Variants in PDIK1L observed in about 807,000 individuals in gnomAD.
PDIK1L encodes the protein serine/threonine-protein kinase PDIK1L.
In PDIK1L, 9 loss-of-function variants were observed where a neutral mutation model predicts 27.1. The observed-to-expected ratio is 0.33, with a 90% CI of 0.20 to 0.58. PDIK1L has a LOEUF of 0.58. Ranked by LOEUF, PDIK1L falls within the 20% of genes least tolerant of loss-of-function variation. PDIK1L has a pLI of 0.86. For missense variants in PDIK1L, 216 were observed against 413.2 expected, an observed-to-expected ratio of 0.52 and a Z score of 4.14; for synonymous variants, 130 against 141.7, an observed-to-expected ratio of 0.92 and a Z score of 0.59.
At chr1:26,112,747 A>G (rs1451038575) in intron 1 of PDIK1L, 4 of 152,278 alleles carry the variant, frequency 2.6e-5, no homozygotes, top group Non-Finnish European at 5.9e-5. Flanking sequence ...GTGGATCCCA[A>G]CTTCTCAGGC....
At chr1:26,121,816 C>CT (rs748317979) in intron 2 of PDIK1L, 21 bp from the exon 3 acceptor site, 2 of 1,582,070 alleles carry the variant, frequency 1.3e-6, no homozygotes, top group Non-Finnish European at 1.7e-6. Context: ...TGATTGTAAT[C>CT]TTTTTTCTTC....
In PDIK1L at chr1:26,123,955, C is replaced by T. The variant is rs1045455764; in HGVS notation, c.*1378C>T. On this transcript the variant is annotated 3_prime_UTR_variant, in exon 3 of 3. Transcript: ENST00000374269. ...TAGTTAAAATCTAAAGGATAGAATGCTTTCCTAAAACAGAACATTAGCCTT... is the reference window on the plus strand; with the variant it reads ...TAGTTAAAATCTAAAGGATAGAATGTTTTCCTAAAACAGAACATTAGCCTT... The T allele has an allele frequency of 5.9e-5, 9 of 152,712 alleles. No individual in the cohort carries two copies. The highest frequency in any genetic ancestry group is 2.2e-4 in the African/African-American group (9 of 41,558). The allele number at this position is 152,712 out of a possible 1,614,324, so 9.5% of individuals were successfully genotyped here.
intron 1 of PDIK1L, among the ~76,000 whole-genome samples, chr1:26,113,513 A>AG (rs1206387682): frequency 6.6e-6 from 1 of 151,850 alleles, no homozygotes; most frequent in Non-Finnish European, 1.5e-5. Flanking sequence ...AAAAAAAAAA[A>AG]AAAAAAGAAA....
At chr1:26,119,092 A>G (rs1164289098) in intron 2 of PDIK1L, among the ~76,000 whole-genome samples, 4 of 152,356 alleles carry the variant, frequency 2.6e-5, no homozygotes, top group Middle Eastern at 3.4e-3. Context: ...AGGGAAACCT[A>G]CATAATCCCG....
chr1:26,122,821 C>A lies in PDIK1L; in HGVS notation c.*244C>A. On this transcript the variant is annotated 3_prime_UTR_variant, in exon 3 of 3. Transcript: ENST00000374269. This position sits in a 1 kb window ranked among gnomAD's most constrained non-coding sequence, Gnocchi z 5.4. Reference sequence around the variant, plus strand: ...AAAATGATTATTGATAGAAGTTTGGCAGGAAAATTCTTTAAGAGCTAACAA... The same window carrying A: ...AAAATGATTATTGATAGAAGTTTGGAAGGAAAATTCTTTAAGAGCTAACAA... 1 of 323,944 alleles carries A rather than the reference C, an allele frequency of 3.1e-6. No homozygotes were observed. 20.1% of individuals were successfully genotyped at this position (323,944 alleles called of 1,614,324 possible). A position where few individuals can be genotyped will look rare whatever the true frequency, so the allele number is the denominator to read the frequency against.
rs117039222 is a variant in PDIK1L at position 26,118,389 on chromosome 1, A to G, written c.286-3448A>G. ...AGATCCAGCAATTGTTATAGTAGCT[A>G]GGCATTAGCTCATAAAGTTTTAAGA... On this transcript the variant is annotated intron_variant, in intron 2 of 2. Transcript: ENST00000374269. Among the ~76,000 whole-genome samples, 53 of 152,340 alleles carry G rather than the reference A, an allele frequency of 3.5e-4. 3 individuals carry two copies. The East Asian group carries it at 0.01, about 29-fold the overall frequency.
chr1:26,111,751 A>C (rs1257312835), upstream of PDIK1L: 1 of 150,524 alleles, frequency 6.6e-6, no homozygotes, highest in Non-Finnish European at 1.5e-5. The surrounding 1 kb of genome is among the most constrained non-coding windows in gnomAD (Gnocchi z 4.0). Context: ...CGCTACGGAA[A>C]GCCGGAGGGG....
Position 26,122,398 on chromosome 1 carries a change from C to T in PDIK1L, c.847C>T (p.Leu283Phe). ...GTEIVPVGEA[L>F]LENPKMELLI... ...TGAGATTGTGCCTGTTGGGGAGGCA[C>T]TTCTGGAAAATCCCAAAATGGAACT... Residue 283 changes from leucine to phenylalanine, a missense_variant, in exon 3 of 3, where the codon CTT (leucine) becomes TTT (phenylalanine). By Grantham distance (22) the Leu-to-Phe change is conservative (BLOSUM62 0). Around this residue, in one of 2 missense-constraint regions of PDIK1L, gnomAD observed 169 missense variants for 366.0 expected, o/e 0.46. Transcript: ENST00000374269. This position sits in a 1 kb window ranked among gnomAD's most constrained non-coding sequence, Gnocchi z 5.4. 1 of 1,614,112 alleles carries T rather than the reference C, an allele frequency of 6.2e-7. No individual in the cohort carries two copies. The highest frequency in any genetic ancestry group is 8.5e-7 in the Non-Finnish European group (1 of 1,180,026).
In PDIK1L at chr1:26,123,417, A is replaced by G. The variant is rs1281539730; in HGVS notation, c.*840A>G. On this transcript the variant is annotated 3_prime_UTR_variant, in exon 3 of 3. Transcript: ENST00000374269. ...TTTATTTAACCAACTATACCACTGCATTGGGACGTCTGCACTTGAGCTTCT... is the reference window on the plus strand; with the variant it reads ...TTTATTTAACCAACTATACCACTGCGTTGGGACGTCTGCACTTGAGCTTCT... 6.6e-6 allele frequency: 1 copy of G among 152,588 alleles called. No individual in the cohort carries two copies. Among genetic ancestry groups the G allele is most frequent in the African/African-American group, 2.4e-5 (1 of 41,434 alleles). 9.5% of individuals were successfully genotyped at this position (152,588 alleles called of 1,614,324 possible). A position where few individuals can be genotyped will look rare whatever the true frequency, so the allele number is the denominator to read the frequency against.
intron 1 of PDIK1L, among the ~76,000 whole-genome samples, chr1:26,113,225 C>T (rs1337652895): frequency 1.3e-5 from 2 of 152,162 alleles, no homozygotes; most frequent in Non-Finnish European, 2.9e-5. Context: ...CGCGGTGGCT[C>T]ACGCCCGTAA....
chr1:26,118,193 C>T (rs566906097), intron 2 of PDIK1L, among the ~76,000 whole-genome samples: 28 of 152,210 alleles, frequency 1.8e-4, no homozygotes, highest in African/African-American at 6.3e-4. Context: ...TGGTGGCACG[C>T]ACCTTTAGTC....
Position 26,114,655 on chromosome 1 carries a change from G to A in PDIK1L, c.285+62G>A. ...ACATGGCATTGGCCAGCAAGAAGAGGAATGAAAGGGTCAGACGAACGTTTC... is the reference window on the plus strand; with the variant it reads ...ACATGGCATTGGCCAGCAAGAAGAGAAATGAAAGGGTCAGACGAACGTTTC... On this transcript the variant is annotated intron_variant, in intron 2 of 2. Transcript: ENST00000374269. This position sits in a 1 kb window ranked among gnomAD's most constrained non-coding sequence, Gnocchi z 4.8. The A allele has an allele frequency of 6.4e-7, 1 of 1,554,870 alleles. No homozygotes were observed. The highest frequency in any genetic ancestry group is 8.8e-7 in the Non-Finnish European group (1 of 1,138,852).
rs2088060976 is a variant in PDIK1L at position 26,125,393 on chromosome 1, A to C, written c.*2816A>C. The C allele has an allele frequency of 6.6e-6, 1 of 152,656 alleles. No homozygotes were observed. Among genetic ancestry groups the C allele is most frequent in the Non-Finnish European group, 1.5e-5 (1 of 68,016 alleles). The allele number at this position is 152,656 out of a possible 1,614,324, so 9.5% of individuals were successfully genotyped here. On this transcript the variant is annotated 3_prime_UTR_variant, in exon 3 of 3. Transcript: ENST00000374269. Reference sequence around the variant, plus strand: ...TGACAAAATGGTCAAAAAATAAGTCATCAGCACTTAAGAAATGAAAGCAAC... The same window carrying C: ...TGACAAAATGGTCAAAAAATAAGTCCTCAGCACTTAAGAAATGAAAGCAAC...
In PDIK1L at chr1:26,114,586, A is replaced by G; in HGVS notation, c.278A>G (p.Tyr93Cys). ...KMSHGSNSSL[Y>C]LQLVETSLKG... Reference sequence around the variant, plus strand: ...TCCCACGGCTCTAATTCTTCCCTTTATTTACAGGTATGTGTTGTTGATTGG... The same window carrying G: ...TCCCACGGCTCTAATTCTTCCCTTTGTTTACAGGTATGTGTTGTTGATTGG... The change falls in exon 2 of 3, where the codon TAT becomes TGT. Residue 93 changes from tyrosine (Y) to cysteine (C), a missense_variant. Coordinates refer to ENST00000374269, the MANE Select transcript of PDIK1L (RefSeq NM_152835.5). This position sits in a 1 kb window ranked among gnomAD's most constrained non-coding sequence, Gnocchi z 4.8. 1 of 1,613,038 alleles carries G rather than the reference A, an allele frequency of 6.2e-7. No homozygotes were observed. The highest frequency in any genetic ancestry group is 8.5e-7 in the Non-Finnish European group (1 of 1,179,104).
At chr1:26,113,498 TA>T (rs67443362) in intron 1 of PDIK1L, among the ~76,000 whole-genome samples, 2,814 of 91,012 alleles carry the variant, frequency 0.031, 73 homozygotes, top group African/African-American at 0.096. Flanking sequence ...AGACTCCGTC[TA>T]AAAAAAAAAA....
At position 26,122,916 on chromosome 1, in the gene PDIK1L, T is replaced by A. The variant is rs1165117904; in HGVS notation, c.*339T>A. 5.7e-6 allele frequency: 1 copy of A among 174,772 alleles called. No individual in the cohort carries two copies. The highest frequency in any genetic ancestry group is 2.4e-5 in the African/African-American group (1 of 42,108). The allele number at this position is 174,772 out of a possible 1,614,324, so 10.8% of individuals were successfully genotyped here. A position where few individuals can be genotyped will look rare whatever the true frequency, so the allele number is the denominator to read the frequency against. ...AGACATTCCTCGTCAGTATTAGGAATTTCCATGGGAAAAGAGGTTTGCATG... is the reference window on the plus strand; with the variant it reads ...AGACATTCCTCGTCAGTATTAGGAAATTCCATGGGAAAAGAGGTTTGCATG... On this transcript the variant is annotated 3_prime_UTR_variant, in exon 3 of 3. Coordinates refer to ENST00000374269, the MANE Select transcript of PDIK1L (RefSeq NM_152835.5). The surrounding 1 kb of genome is among the most constrained non-coding windows in gnomAD (Gnocchi z 5.4).
At chr1:26,120,319 G>A (rs1346678701) in intron 2 of PDIK1L, among the ~76,000 whole-genome samples, 2 of 152,188 alleles carry the variant, frequency 1.3e-5, no homozygotes, top group African/African-American at 4.8e-5. Context: ...GCTTTTGAGA[G>A]TAAAGACAGA....
At position 26,114,365 on chromosome 1, in the gene PDIK1L, C is replaced by T. The variant is rs142690396; in HGVS notation, c.57C>T (p.Tyr19=). The change falls in exon 2 of 3, where the codon TAC becomes TAT. Residue 19 remains tyrosine, a synonymous_variant. Transcript: ENST00000374269. The surrounding 1 kb of genome is among the most constrained non-coding windows in gnomAD (Gnocchi z 4.8). Reference sequence around the variant, plus strand: ...TACGGGAGGTAGGCCGAGGTAGTTACGGTGTTGTGTATGAAGCAGTCATCA... The same window carrying T: ...TACGGGAGGTAGGCCGAGGTAGTTATGGTGTTGTGTATGAAGCAGTCATCA... ...DLIREVGRGS[Y]GVVYEAVIRK... is the part of the protein sequence containing the mutation. 3.4e-5 allele frequency: 55 copies of T among 1,613,982 alleles called. 3 individuals are homozygous for T. Among genetic ancestry groups the T allele is most frequent in the Admixed American group, 2.7e-4 (16 of 59,960 alleles).
In PDIK1L at chr1:26,122,626, A is replaced by C. The variant is rs2088007820; in HGVS notation, c.*49A>C. Reference sequence around the variant, plus strand: ...GGATGATATGCTGCTTCTGTTTAACAGTGATGCAACATTATGTGGCTGAAA... The same window carrying C: ...GGATGATATGCTGCTTCTGTTTAACCGTGATGCAACATTATGTGGCTGAAA... On this transcript the variant is annotated 3_prime_UTR_variant, in exon 3 of 3. Coordinates refer to ENST00000374269, the MANE Select transcript of PDIK1L (RefSeq NM_152835.5). The surrounding 1 kb of genome is among the most constrained non-coding windows in gnomAD (Gnocchi z 5.4). 6.5e-7 allele frequency: 1 copy of C among 1,541,472 alleles called. No homozygotes were observed. The highest frequency in any genetic ancestry group is 8.7e-7 in the Non-Finnish European group (1 of 1,143,822).
Sources: allele counts gnomAD v4.1 joint callset (sites outside exome capture counted in the v4.1 genomes callset), GRCh38; gene constraint gnomAD v4.1.1; regional missense constraint gnomAD v4.1.1; non-coding constraint Gnocchi (gnomAD v3.1); transcripts MANE v1.5; gene names NCBI Gene and HGNC (gene_info 2026-07-23, HGNC 2026-07-21).